ARHGAP24: variants seen among roughly 807,000 people sequenced by gnomAD.
ARHGAP24 encodes Rho GTPase activating protein 24.
Under a neutral mutation model 76.4 loss-of-function variants are expected in ARHGAP24, and 50 were observed. That is an observed-to-expected ratio of 0.65 (90% CI 0.52 to 0.83). The LOEUF is 0.83. Among genes scored for constraint, ARHGAP24 ranks in the 40% least tolerant of loss-of-function variants. The pLI, the probability that ARHGAP24 is intolerant of heterozygous loss-of-function variation, is 0.00. For synonymous variants in ARHGAP24, 345 were observed against 323.3 expected (o/e 1.07, Z -0.72); for missense variants, 930 against 914.2 (o/e 1.02, Z -0.22).
At chr4:85,965,134 G>A (rs1354921244) in intron 5 of ARHGAP24, among the ~76,000 whole-genome samples, 3 of 152,060 alleles carry the variant, frequency 2.0e-5, no homozygotes, top group African/African-American at 7.2e-5. Flanking sequence ...AAAGAAAGAG[G>A]TTTCATGGAG....
chr4:85,514,377 A>G (rs969758277), intron 1 of ARHGAP24, among the ~76,000 whole-genome samples: 2 of 151,398 alleles, frequency 1.3e-5, no homozygotes, highest in African/African-American at 2.4e-5. Context: ...ACTTTAATCT[A>G]CTTTCACTTT....
At chr4:85,635,367 G>A (rs1319007481) in intron 2 of ARHGAP24, among the ~76,000 whole-genome samples, 2 of 151,682 alleles carry the variant, frequency 1.3e-5, no homozygotes, top group Non-Finnish European at 3.0e-5. Context: ...GATGTTCAAA[G>A]GTGTTGATTG....
At chr4:85,527,357 GA>G (rs768460320) in intron 1 of ARHGAP24, among the ~76,000 whole-genome samples, 38 of 152,086 alleles carry the variant, frequency 2.5e-4, no homozygotes, top group Non-Finnish European at 4.1e-4. Flanking sequence ...CACATAGGTA[GA>G]TTAGGGTATA....
intron 2 of ARHGAP24, among the ~76,000 whole-genome samples, chr4:85,667,851 T>C (rs376085116): frequency 6.6e-6 from 1 of 152,236 alleles, no homozygotes; most frequent in East Asian, 1.9e-4. Flanking sequence ...GGTTTACAAT[T>C]ATTTAATTGC....
At chr4:85,557,189 A>G (rs1726416937) in intron 1 of ARHGAP24, among the ~76,000 whole-genome samples, 1 of 152,222 alleles carries the variant, frequency 6.6e-6, no homozygotes, top group African/African-American at 2.4e-5. Context: ...CCAGCACCCC[A>G]GGCCAATGGG....
At chr4:85,576,409 G>A (rs1012201052) in intron 2 of ARHGAP24, among the ~76,000 whole-genome samples, 41 of 150,454 alleles carry the variant, frequency 2.7e-4, no homozygotes, top group Non-Finnish European at 1.2e-4. Flanking sequence ...CAGCCTGGGC[G>A]ACAGAGCGAG....
At chr4:85,678,615 G>C (rs1424990733) in intron 2 of ARHGAP24, among the ~76,000 whole-genome samples, 1 of 152,112 alleles carries the variant, frequency 6.6e-6, no homozygotes, top group Non-Finnish European at 1.5e-5. Context: ...GTAATTCTAG[G>C]CAGTCAGGTT....
At chr4:85,488,021 T>G (rs1196303409) in intron 1 of ARHGAP24, among the ~76,000 whole-genome samples, 1 of 149,776 alleles carries the variant, frequency 6.7e-6, no homozygotes, top group Non-Finnish European at 1.5e-5. Context: ...TTCTCCTGCC[T>G]CATCCTCCTG....
chr4:85,755,626 G>GGTTTTTT (rs1726448976), intron 3 of ARHGAP24, among the ~76,000 whole-genome samples: 2 of 117,372 alleles, frequency 1.7e-5, no homozygotes, highest in African/African-American at 2.9e-5. Context: ...CTATTCTTTT[G>GGTTTTTT]TTTTGTTTTG....
intron 3 of ARHGAP24, among the ~76,000 whole-genome samples, chr4:85,855,242 A>G (rs1731486287): frequency 1.3e-5 from 2 of 152,228 alleles, no homozygotes; most frequent in South Asian, 4.1e-4. Context: ...AAAAAGCAAA[A>G]CTAAATCTTC....
Position 85,853,499 on chromosome 4 carries a change from C to G in ARHGAP24, c.269-70149C>G, listed in dbSNP as rs180856769. ...GGGGTGTACCCACTGTCCAACCAGT[C>G]CCAATGAGATGAACCAGGTACCTCA... On this transcript the variant is annotated intron_variant, in intron 3 of 9. Coordinates refer to ENST00000395184, the MANE Select transcript of ARHGAP24 (RefSeq NM_001025616.3). Among the ~76,000 whole-genome samples, 5 of 152,262 alleles carry G rather than the reference C, an allele frequency of 3.3e-5. No homozygotes were observed. In the East Asian group the frequency reaches 9.6e-4, roughly 29 times the overall value.
intron 1 of ARHGAP24, among the ~76,000 whole-genome samples, chr4:85,540,546 C>T (rs546887107): frequency 1.7e-4 from 26 of 152,262 alleles, no homozygotes; most frequent in African/African-American, 5.3e-4. Context: ...CATGTATATA[C>T]ATAATTTACA....
chr4:85,539,899 G>T (rs566425388), intron 1 of ARHGAP24, among the ~76,000 whole-genome samples: 2 of 152,132 alleles, frequency 1.3e-5, no homozygotes, highest in East Asian at 3.9e-4. Flanking sequence ...ACAAAAATTA[G>T]CTGGGTGTGG....
intron 3 of ARHGAP24, chr4:85,827,987 G>A: frequency 1.6e-6 from 2 of 1,289,616 alleles, no homozygotes; most frequent in South Asian, 2.5e-5. Context: ...TGAGAGCTGG[G>A]TGCTTTGTTC....
intron 5 of ARHGAP24, among the ~76,000 whole-genome samples, chr4:85,951,536 A>G (rs1737617073): frequency 6.6e-6 from 1 of 152,126 alleles, no homozygotes; most frequent in South Asian, 2.1e-4. Flanking sequence ...TCTGAAGAGC[A>G]TCTGTGTTCT....
intron 1 of ARHGAP24, among the ~76,000 whole-genome samples, chr4:85,529,137 A>G (rs1188197569): frequency 6.6e-6 from 1 of 152,028 alleles, no homozygotes; most frequent in Admixed American, 6.6e-5. Flanking sequence ...GTGCACATAT[A>G]GTAAAAACTA....
rs539140314 is a variant in ARHGAP24, at chr4:85,532,672, G to A, written c.-20-37850G>A. Among the ~76,000 whole-genome samples, 15 of 152,254 alleles carry A rather than the reference G, an allele frequency of 9.9e-5. No individual in the cohort carries two copies. The South Asian group carries it at 3.1e-3, about 32-fold the overall frequency. ...TGATCATACCGTGAACATTCGAGCA[G>A]TTATCATCTGACAATAGTTGTTTTT... On this transcript the variant is annotated intron_variant, in intron 1 of 9. Coordinates refer to ENST00000395184, the MANE Select transcript of ARHGAP24 (RefSeq NM_001025616.3).
Position 85,994,718 on chromosome 4 carries a change from T to C in ARHGAP24, c.1064T>C (p.Met355Thr), listed in dbSNP as rs753190749. 1 of 1,614,068 alleles carries C rather than the reference T, an allele frequency of 6.2e-7. No individual in the cohort carries two copies. Among genetic ancestry groups the C allele is most frequent in the Non-Finnish European group, 8.5e-7 (1 of 1,180,006 alleles). ...NNNEIQKKATMGQLQNKENNN... is the reference protein window; with the variant it reads ...NNNEIQKKATTGQLQNKENNN... ...AATGAAATTCAGAAGAAAGCCACCA[T>C]GGGGCAGTTACAGAACAAGGAGAAC... Residue 355 changes from methionine (M) to threonine (T), a missense_variant, in exon 9 of 10, where the codon ATG becomes ACG. Met to Thr is a moderately conservative substitution (Grantham distance 81). Transcript: ENST00000395184.
chr4:85,537,158 A>T (rs184256215), intron 1 of ARHGAP24, among the ~76,000 whole-genome samples: 2 of 152,188 alleles, frequency 1.3e-5, no homozygotes, highest in East Asian at 3.9e-4. Context: ...CAATCAATGG[A>T]CAAGCACCTA....
Sources: gnomAD v4.1 joint callset for allele counts (sites outside exome capture counted in the v4.1 genomes callset) on GRCh38, gnomAD v4.1.1 for gene constraint, MANE v1.5 for transcripts, NCBI Gene and HGNC (gene_info 2026-07-23, HGNC 2026-07-21) for gene names.